Variants in UTS2 observed in about 807,000 individuals in gnomAD.
UTS2 encodes the protein urotensin 2.
Under a neutral mutation model 12.6 loss-of-function variants are expected in UTS2, and 10 were observed. The observed-to-expected ratio is 0.80, with a 90% CI of 0.49 to 1.35. UTS2 has a LOEUF of 1.35. Among genes scored for constraint, UTS2 ranks in the 40% most tolerant of loss-of-function variants. The pLI is 0.00. For synonymous variants in UTS2, 52 were observed against 50.0 expected, an observed-to-expected ratio of 1.04 and a Z score of -0.17; for missense variants, 142 against 143.2, an observed-to-expected ratio of 0.99 and a Z score of 0.04.
the UTS2 span, among the ~76,000 whole-genome samples, chr1:7,877,138 AAAAAG>A: frequency 4.7e-4 from 30 of 63,462 alleles, 2 homozygotes; most frequent in East Asian, 6.9e-4. Context: ...AAAAAAAAAA[AAAAAG>A]AAAAAAAAAA....
At chr1:7,890,967 ACC>A in the UTS2 span, among the ~76,000 whole-genome samples, 26 of 135,860 alleles carry the variant, frequency 1.9e-4, 1 homozygote, top group African/African-American at 6.1e-4. Context: ...GATACCCTCC[ACC>A]CCCCCCCACA....
the UTS2 span, among the ~76,000 whole-genome samples, chr1:7,899,244 G>C: frequency 6.6e-6 from 1 of 152,110 alleles, no homozygotes; most frequent in Non-Finnish European, 1.5e-5. Context: ...TGAAGACACA[G>C]ATTCAAACCA....
chr1:7,887,598 A>C, the UTS2 span, among the ~76,000 whole-genome samples: 1 of 112,196 alleles, frequency 8.9e-6, no homozygotes, highest in South Asian at 3.4e-4. Context: ...TCTACAAAAA[A>C]AAAAAAAAAA....
At chr1:7,908,105 C>G in the UTS2 span, among the ~76,000 whole-genome samples, 1 of 151,984 alleles carries the variant, frequency 6.6e-6, no homozygotes, top group Non-Finnish European at 1.5e-5. Flanking sequence ...TCGAGACCAG[C>G]CTGGCCAACA....
chr1:7,861,591 C>T, the UTS2 span, among the ~76,000 whole-genome samples: 60 of 152,292 alleles, frequency 3.9e-4, no homozygotes, highest in East Asian at 0.011. Flanking sequence ...GCCTTTTGCA[C>T]GCGGTGTCCT....
chr1:7,857,474 T>A (rs1638336977), upstream of UTS2, among the ~76,000 whole-genome samples: 1 of 24,450 alleles, frequency 4.1e-5, no homozygotes, highest in Non-Finnish European at 9.4e-5. Context: ...TACTACTATG[T>A]TAAAAAAAAA....
chr1:7,905,529 G>A, the UTS2 span, among the ~76,000 whole-genome samples: 1 of 151,162 alleles, frequency 6.6e-6, no homozygotes, highest in African/African-American at 2.4e-5. Flanking sequence ...CTTTTGCACC[G>A]GCCTAATAAA....
At chr1:7,909,834 C>A in the UTS2 span, among the ~76,000 whole-genome samples, 9 of 152,034 alleles carry the variant, frequency 5.9e-5, no homozygotes, top group Non-Finnish European at 8.8e-5. Context: ...GTTGGCCAGG[C>A]TGGTCTCAAA....
chr1:7,874,458 G>T, the UTS2 span, among the ~76,000 whole-genome samples: 1 of 152,046 alleles, frequency 6.6e-6, no homozygotes. Flanking sequence ...CTGACATTCC[G>T]CCATGTCCAC....
chr1:7,877,854 C>T, the UTS2 span, among the ~76,000 whole-genome samples: 6 of 149,846 alleles, frequency 4.0e-5, no homozygotes, highest in African/African-American at 1.5e-4. Context: ...GCCTGGGCAA[C>T]AGAGCAAGAC....
At chr1:7,895,425 T>A in the UTS2 span, among the ~76,000 whole-genome samples, 3 of 152,128 alleles carry the variant, frequency 2.0e-5, no homozygotes, top group African/African-American at 7.2e-5. Context: ...TCTACAGTGA[T>A]CTTTTTTCCC....
At chr1:7,909,024 C>T in the UTS2 span, among the ~76,000 whole-genome samples, 1 of 151,976 alleles carries the variant, frequency 6.6e-6, no homozygotes, top group Non-Finnish European at 1.5e-5. Context: ...CCAGGCTGAC[C>T]TTGTGATCTA....
chr1:7,869,150 A>T, the UTS2 span, among the ~76,000 whole-genome samples: 1 of 152,214 alleles, frequency 6.6e-6, no homozygotes, highest in Non-Finnish European at 1.5e-5. Flanking sequence ...CAGATGGCAG[A>T]GGCTGCCCAA....
At chr1:7,903,550 T>C in the UTS2 span, among the ~76,000 whole-genome samples, 2 of 151,866 alleles carry the variant, frequency 1.3e-5, no homozygotes, top group African/African-American at 4.8e-5. Flanking sequence ...CCACCATCCC[T>C]GGCTAATTTT....
chr1:7,899,435 A>T, the UTS2 span, among the ~76,000 whole-genome samples: 1 of 152,214 alleles, frequency 6.6e-6, no homozygotes, highest in Non-Finnish European at 1.5e-5. Context: ...TAGGTGTTTT[A>T]AAAAAATAAA....
chr1:7,896,220 G>A, the UTS2 span, among the ~76,000 whole-genome samples: 2 of 151,616 alleles, frequency 1.3e-5, no homozygotes, highest in Non-Finnish European at 2.9e-5. Flanking sequence ...GTTCTCAAAA[G>A]TGATATTGCA....
the UTS2 span, among the ~76,000 whole-genome samples, chr1:7,886,997 C>T: frequency 5.9e-3 from 763 of 129,838 alleles, 13 homozygotes; most frequent in African/African-American, 0.022. Flanking sequence ...GCCAAGATCA[C>T]GTCACTGCAC....
chr1:7,894,764 G>A, the UTS2 span, among the ~76,000 whole-genome samples: 3 of 148,792 alleles, frequency 2.0e-5, no homozygotes, highest in African/African-American at 5.0e-5. Context: ...GGCAGATCAC[G>A]AGGTCAGGAG....
the UTS2 span, among the ~76,000 whole-genome samples, chr1:7,879,701 A>G: frequency 1.3e-5 from 2 of 152,148 alleles, no homozygotes; most frequent in African/African-American, 4.8e-5. Flanking sequence ...AGATTGTGCC[A>G]CTGCACTCCG....
Sources: allele counts gnomAD v4.1 joint callset (sites outside exome capture counted in the v4.1 genomes callset), GRCh38; gene constraint gnomAD v4.1.1; transcripts MANE v1.5; gene names NCBI Gene and HGNC (gene_info 2026-07-23, HGNC 2026-07-21).